Variants in CCDC85C observed in about 807,000 individuals in gnomAD.
The protein encoded by CCDC85C is coiled-coil domain containing 85C.
In CCDC85C, 18 loss-of-function variants were observed where a neutral mutation model predicts 38.3. The ratio of observed to expected loss-of-function variants is 0.47; its 90% CI spans 0.33 to 0.70. The LOEUF (loss-of-function observed/expected upper bound fraction) is 0.70, where lower values mean the gene tolerates loss of function less well. Among genes scored for constraint, CCDC85C ranks in the 30% least tolerant of loss-of-function variants. The pLI, the probability that CCDC85C is intolerant of heterozygous loss-of-function variation, is 0.03. For synonymous variants in CCDC85C, 264 were observed against 293.8 expected (o/e 0.90, Z 1.04); for missense variants, 566 against 621.2 (o/e 0.91, Z 0.94).
intron 1 of CCDC85C, among the ~76,000 whole-genome samples, chr14:99,561,321 G>A (rs1007053777): frequency 9.9e-5 from 15 of 152,196 alleles, no homozygotes; most frequent in African/African-American, 2.9e-4. Flanking sequence ...GCACCTGGTC[G>A]CTCTAGGCAC....
chr14:99,573,929 C>A lies in CCDC85C; in HGVS notation c.793+29238G>T, dbSNP rs8022352. Among the ~76,000 whole-genome samples, 43 of 152,134 alleles carry A rather than the reference C, an allele frequency of 2.8e-4. 1 individual carries two copies. The highest frequency in any genetic ancestry group is 5.1e-4 in the Non-Finnish European group (35 of 68,030). ...TGCGCTGGGGCCTCCCACACCCTCC[C>A]TAGGTGCAATTCTCCTTGTCTCATC... On this transcript the variant is annotated intron_variant, in intron 1 of 5. Coordinates refer to ENST00000380243, the MANE Select transcript of CCDC85C (RefSeq NM_001144995.2).
At chr14:99,517,262 A>C (rs931615349) in intron 3 of CCDC85C, 79 bp from the exon 4 acceptor site, 1 of 1,122,294 alleles carries the variant, frequency 8.9e-7, no homozygotes, top group Non-Finnish European at 1.3e-6. Flanking sequence ...CAAGGCCCCC[A>C]TTCTGAGGGG....
At position 99,556,579 on chromosome 14, in the gene CCDC85C, G is replaced by GAT. The variant is rs541875428; in HGVS notation, c.794-20493_794-20492dup. 9.2e-5 allele frequency among the ~76,000 whole-genome samples: 14 copies of GAT among 152,292 alleles called. No individual in the cohort carries two copies. In the East Asian group the frequency reaches 2.5e-3, roughly 27 times the overall value. On this transcript the variant is annotated intron_variant, in intron 1 of 5. Coordinates refer to ENST00000380243, the MANE Select transcript of CCDC85C (RefSeq NM_001144995.2). ...TGCCCAGGCTGGAGTGCAGCAGTGT[G>GAT]ATCATGGCTCACCTGAAACCTTGAA...
rs1449958007 is a variant in CCDC85C at position 99,503,662 on chromosome 14, TG to T, written c.*11583del. 9 of 1,551,822 alleles carry T rather than the reference TG, an allele frequency of 5.8e-6. No individual in the cohort carries two copies. The South Asian group carries it at 8.4e-5, about 15-fold the overall frequency. ...AGCAGCAGGTAATTTCCTGTTCTGA[TG>T]TTTTTTTAGTTTTATGTGTTTATAT... On this transcript the variant is annotated 3_prime_UTR_variant, in exon 6 of 6. Transcript: ENST00000380243.
intron 1 of CCDC85C, among the ~76,000 whole-genome samples, chr14:99,601,774 G>T (rs2055201269): frequency 6.6e-6 from 1 of 152,152 alleles, no homozygotes; most frequent in South Asian, 2.1e-4. Flanking sequence ...AGAGAAACCT[G>T]AGTTGTAGCC....
chr14:99,569,633 C>T lies in CCDC85C; in HGVS notation c.793+33534G>A, dbSNP rs1483286860. Reference sequence around the variant, plus strand: ...GCCAAGAGCTGAACCCAGGCACATCCAGCCTCAAACCTGGATCCTACACCA... The same window carrying T: ...GCCAAGAGCTGAACCCAGGCACATCTAGCCTCAAACCTGGATCCTACACCA... On this transcript the variant is annotated intron_variant, in intron 1 of 5. Coordinates refer to ENST00000380243, the MANE Select transcript of CCDC85C (RefSeq NM_001144995.2). This position sits in a 1 kb window ranked among gnomAD's most constrained non-coding sequence, Gnocchi z 4.3. Among the ~76,000 whole-genome samples, 2 of 152,224 alleles carry T rather than the reference C, an allele frequency of 1.3e-5. No homozygotes were observed. The highest frequency in any genetic ancestry group is 2.4e-5 in the African/African-American group (1 of 41,464).
chr14:99,582,274 A>G (rs148803160), intron 1 of CCDC85C, among the ~76,000 whole-genome samples: 2,448 of 152,282 alleles, frequency 0.016, 75 homozygotes, highest in African/African-American at 0.056. Flanking sequence ...TGAGGTCCCC[A>G]GGGTGACGTC....
At chr14:99,602,079 G>A (rs1217155356) in intron 1 of CCDC85C, among the ~76,000 whole-genome samples, 1 of 152,250 alleles carries the variant, frequency 6.6e-6, no homozygotes, top group Non-Finnish European at 1.5e-5. Context: ...ACCAGAAAGA[G>A]CTGTTCATTC....
chr14:99,597,503 T>C (rs2055155290), intron 1 of CCDC85C, among the ~76,000 whole-genome samples: 1 of 152,096 alleles, frequency 6.6e-6, no homozygotes, highest in Non-Finnish European at 1.5e-5. Flanking sequence ...CTTCTCAGTG[T>C]CCACGCAACC....
At chr14:99,536,904 C>A (rs773517028) in intron 1 of CCDC85C, among the ~76,000 whole-genome samples, 21 of 152,226 alleles carry the variant, frequency 1.4e-4, no homozygotes, top group Non-Finnish European at 2.8e-4. Flanking sequence ...CTGCCTCCCC[C>A]CAGGCTGGGA....
Position 99,603,065 on chromosome 14 carries a change from G to T in CCDC85C, c.793+102C>A. 8.0e-7 allele frequency: 1 copy of T among 1,243,458 alleles called. No individual in the cohort carries two copies. The highest frequency in any genetic ancestry group is 1.0e-6 in the Non-Finnish European group (1 of 988,756). The allele number at this position is 1,243,458 out of a possible 1,614,324, so 77.0% of individuals were successfully genotyped here. A position where few individuals can be genotyped will look rare whatever the true frequency, so the allele number is the denominator to read the frequency against. ...ACAGCTGGAGGAGTCTGGAGTGGCG[G>T]CCGCATGAGTGGGACAGCCAGGGAC... On this transcript the variant is annotated intron_variant, in intron 1 of 5. Transcript: ENST00000380243. This position sits in a 1 kb window ranked among gnomAD's most constrained non-coding sequence, Gnocchi z 7.5.
At chr14:99,591,997 G>T (rs2055093192) in intron 1 of CCDC85C, among the ~76,000 whole-genome samples, 1 of 152,134 alleles carries the variant, frequency 6.6e-6, no homozygotes, top group African/African-American at 2.4e-5. Context: ...GCCTCCCAAA[G>T]TGCTGGAATG....
In CCDC85C at chr14:99,504,086, T is replaced by C. The variant is rs1168116100; in HGVS notation, c.*11160A>G. 1 of 387,102 alleles carries C rather than the reference T, an allele frequency of 2.6e-6. No homozygotes were observed. 24.0% of individuals were successfully genotyped at this position (387,102 alleles called of 1,614,324 possible). On this transcript the variant is annotated 3_prime_UTR_variant, in exon 6 of 6. Coordinates refer to ENST00000380243, the MANE Select transcript of CCDC85C (RefSeq NM_001144995.2). ...CAGCTGCCCTTGCAGGCAAGGCCTC[T>C]TTGAAACACACTTGGGTTGAGGTGC...
intron 1 of CCDC85C, among the ~76,000 whole-genome samples, chr14:99,555,009 G>C (rs1369211225): frequency 6.6e-6 from 1 of 152,246 alleles, no homozygotes; most frequent in Non-Finnish European, 1.5e-5. Flanking sequence ...TTTAAGAAAG[G>C]TATGAGCAAG....
rs911955820 is a variant in CCDC85C at position 99,533,486 on chromosome 14, C to T, written c.867+2529G>A. Among the ~76,000 whole-genome samples the T allele has an allele frequency of 3.9e-5, 6 of 152,312 alleles. No individual in the cohort carries two copies. The highest frequency in any genetic ancestry group is 7.2e-5 in the African/African-American group (3 of 41,562). ...TCTGCACTGGATGATCTCTGAATTC[C>T]GCGCCCTGGTTGTATGTAACAACAA... On this transcript the variant is annotated intron_variant, in intron 2 of 5. Coordinates refer to ENST00000380243, the MANE Select transcript of CCDC85C (RefSeq NM_001144995.2). This position sits in a 1 kb window ranked among gnomAD's most constrained non-coding sequence, Gnocchi z 4.2.
chr14:99,579,772 C>T (rs539141239), intron 1 of CCDC85C, among the ~76,000 whole-genome samples: 30 of 152,132 alleles, frequency 2.0e-4, no homozygotes, highest in Non-Finnish European at 3.2e-4. Flanking sequence ...CTCCTGCCTG[C>T]TGTCACCTCT....
chr14:99,586,453 C>T (rs117815326), intron 1 of CCDC85C, among the ~76,000 whole-genome samples: 3,976 of 152,300 alleles, frequency 0.026, 74 homozygotes, highest in Middle Eastern at 0.078. Context: ...AACGGAGGCA[C>T]GTGGTGAGGG....
At position 99,503,165 on chromosome 14, in the gene CCDC85C, C is replaced by T. The variant is rs1288699724; in HGVS notation, c.*12081G>A. 19 of 757,096 alleles carry T rather than the reference C, an allele frequency of 2.5e-5. No homozygotes were observed. In the East Asian group the frequency reaches 4.8e-4, roughly 19 times the overall value. The allele number at this position is 757,096 out of a possible 1,614,324, so 46.9% of individuals were successfully genotyped here. ...AAAACAAAGGTGCTCCAAGGACAGG[C>T]TGCCTCTGAGAACCAGGAGGGGGCT... On this transcript the variant is annotated 3_prime_UTR_variant, in exon 6 of 6. Coordinates refer to ENST00000380243, the MANE Select transcript of CCDC85C (RefSeq NM_001144995.2).
chr14:99,591,281 G>A (rs920437092), intron 1 of CCDC85C, among the ~76,000 whole-genome samples: 1 of 152,254 alleles, frequency 6.6e-6, no homozygotes, highest in African/African-American at 2.4e-5. Flanking sequence ...CCCTGGAGCT[G>A]TGCAGCCCTC....
Sources: allele counts gnomAD v4.1 joint callset (sites outside exome capture counted in the v4.1 genomes callset), GRCh38; gene constraint gnomAD v4.1.1; non-coding constraint Gnocchi (gnomAD v3.1); transcripts MANE v1.5; gene names NCBI Gene and HGNC (gene_info 2026-07-23, HGNC 2026-07-21).